The following DPP6 variants were observed in gnomAD, a reference collection of about 807,000 sequenced individuals.
DPP6 encodes A-type potassium channel modulatory protein DPP6.
DPP6 carries 69 observed loss-of-function variants against 122.6 expected under a neutral mutation model. That is an observed-to-expected ratio of 0.56 (90% CI 0.46 to 0.69). DPP6 has a LOEUF of 0.69. Among genes scored for constraint, DPP6 ranks in the 30% least tolerant of loss-of-function variants. The pLI is 0.00. For missense variants in DPP6, 928 were observed against 1,116.9 expected, an observed-to-expected ratio of 0.83 and a Z score of 2.41; for synonymous variants, 418 against 433.1, an observed-to-expected ratio of 0.97 and a Z score of 0.43.
chr7:154,676,519 C>A (rs530357851), intron 7 of DPP6, among the ~76,000 whole-genome samples: 34 of 152,246 alleles, frequency 2.2e-4, no homozygotes, highest in African/African-American at 7.9e-4. Context: ...CTGCCCTTCC[C>A]CATGTGACCT....
intron 1 of DPP6, among the ~76,000 whole-genome samples, chr7:154,292,031 G>A (rs1805244316): frequency 6.6e-6 from 1 of 152,086 alleles, no homozygotes; most frequent in African/African-American, 2.4e-5. Context: ...AAGGAAGAAG[G>A]TAGCCCTGAA....
chr7:153,873,197 G>A, the DPP6 span, among the ~76,000 whole-genome samples: 1 of 152,104 alleles, frequency 6.6e-6, no homozygotes. Flanking sequence ...TGGGAATCAT[G>A]TGTGAGAACT....
chr7:154,340,968 T>TTTGTAG (rs1809874368), intron 1 of DPP6, among the ~76,000 whole-genome samples: 1 of 152,208 alleles, frequency 6.6e-6, no homozygotes, highest in Admixed American at 6.5e-5. Flanking sequence ...TCTTATAGTA[T>TTTGTAG]TTGTAGTTTT....
chr7:153,796,632 A>G, the DPP6 span, among the ~76,000 whole-genome samples: 2 of 152,326 alleles, frequency 1.3e-5, no homozygotes, highest in East Asian at 3.9e-4. Flanking sequence ...CTAAAAATAT[A>G]ACACGTGGCA....
chr7:154,422,171 T>C (rs1047080340), intron 1 of DPP6, among the ~76,000 whole-genome samples: 4 of 152,302 alleles, frequency 2.6e-5, no homozygotes, highest in Admixed American at 1.3e-4. Context: ...TCCTGACTTT[T>C]TGATCTCTTG....
intron 5 of DPP6, among the ~76,000 whole-genome samples, chr7:154,586,291 C>G (rs1195289907): frequency 6.6e-6 from 1 of 152,116 alleles, no homozygotes; most frequent in African/African-American, 2.4e-5. Flanking sequence ...AAAAATTGTT[C>G]TGTTGAACTT....
chr7:153,960,851 C>T (rs1795319589), intron 1 of DPP6, among the ~76,000 whole-genome samples: 1 of 151,234 alleles, frequency 6.6e-6, no homozygotes, highest in Admixed American at 6.6e-5. Flanking sequence ...ACATGAGTAC[C>T]TTTTCCTTTG....
chr7:154,487,596 T>C (rs1365854356), intron 3 of DPP6, among the ~76,000 whole-genome samples: 3 of 152,198 alleles, frequency 2.0e-5, no homozygotes, highest in African/African-American at 7.2e-5. Flanking sequence ...CCCAATGCAC[T>C]GTAGCTGTTT....
At chr7:154,707,731 G>A (rs12669060) in intron 7 of DPP6, among the ~76,000 whole-genome samples, 19,224 of 152,102 alleles carry the variant, frequency 0.13, 1,453 homozygotes, top group East Asian at 0.28. Context: ...AATTTATAAA[G>A]GAAAAAAGGT....
chr7:154,195,955 C>T (rs936506759), intron 1 of DPP6, among the ~76,000 whole-genome samples: 15 of 152,162 alleles, frequency 9.9e-5, no homozygotes, highest in Non-Finnish European at 1.5e-5. Context: ...GTTTGGCAAA[C>T]ACCTTCTCCC....
chr7:154,889,513 G>A lies in DPP6; in HGVS notation c.2434G>A (p.Ala812Thr). Residue 812 changes from alanine (A) to threonine (T), a missense_variant, in exon 25 of 26, where the codon GCT becomes ACT. Physicochemically the swap from Ala to Thr is moderately conservative, Grantham distance 58. Coordinates refer to ENST00000377770, the MANE Select transcript of DPP6 (RefSeq NM_130797.4). ...CATTACACAACTAATTAGGGGAAAGGCTAATTACAGCTTACAGGTACAGTA... is the reference window on the plus strand; with the variant it reads ...CATTACACAACTAATTAGGGGAAAGACTAATTACAGCTTACAGGTACAGTA... ...ELITQLIRGK[A>T]NYSLQIYPDE... 11 of 1,609,024 alleles carry A rather than the reference G, an allele frequency of 6.8e-6. No individual in the cohort carries two copies. Among genetic ancestry groups the A allele is most frequent in the Non-Finnish European group, 9.3e-6 (11 of 1,178,132 alleles).
chr7:154,454,995 AC>A (rs1820702092), intron 2 of DPP6, among the ~76,000 whole-genome samples: 1 of 152,094 alleles, frequency 6.6e-6, no homozygotes. Context: ...GTTTCACAAG[AC>A]AAGTTTAGAC....
chr7:154,322,635 C>T (rs1386190744), intron 1 of DPP6, among the ~76,000 whole-genome samples: 2 of 152,038 alleles, frequency 1.3e-5, no homozygotes, highest in African/African-American at 4.8e-5. Context: ...ATTCCTGAAA[C>T]CATAGCAGCA....
chr7:154,382,720 T>G (rs563983178), intron 1 of DPP6, among the ~76,000 whole-genome samples: 1 of 152,324 alleles, frequency 6.6e-6, no homozygotes, highest in African/African-American at 2.4e-5. Context: ...GGTATATATT[T>G]TAGTATTCCT....
chr7:153,940,614 G>C (rs1462845995), intron 1 of DPP6, among the ~76,000 whole-genome samples: 1 of 152,136 alleles, frequency 6.6e-6, no homozygotes, highest in African/African-American at 2.4e-5. Flanking sequence ...TGCAGTGACT[G>C]CACCATGGGA....
chr7:154,596,922 A>T (rs1833127915), intron 5 of DPP6, among the ~76,000 whole-genome samples: 1 of 152,230 alleles, frequency 6.6e-6, no homozygotes, highest in East Asian at 1.9e-4. Flanking sequence ...GTAGAAAAGT[A>T]TAAAGTATTC....
chr7:153,778,760 T>C, the DPP6 span, among the ~76,000 whole-genome samples: 2,339 of 151,274 alleles, frequency 0.015, no homozygotes, highest in African/African-American at 0.055. Context: ...AGCAGCTACT[T>C]TGGAAAACAG....
exon 1 of DPP6, chr7:153,887,442 T>TTTTC (rs967769255): frequency 1.7e-5 from 8 of 459,186 alleles, no homozygotes; most frequent in African/African-American, 1.2e-4. Flanking sequence ...TCCAGGCTTT[T>TTTTC]TTTCTTTCTT....
At chr7:153,975,608 A>G (rs1364168156) in intron 1 of DPP6, among the ~76,000 whole-genome samples, 5 of 152,228 alleles carry the variant, frequency 3.3e-5, no homozygotes, top group Non-Finnish European at 7.4e-5. Context: ...TTGGTAGAGT[A>G]AGTCATACCT....
Sources: allele counts gnomAD v4.1 joint callset (sites outside exome capture counted in the v4.1 genomes callset), GRCh38; gene constraint gnomAD v4.1.1; transcripts MANE v1.5; gene names NCBI Gene and HGNC (gene_info 2026-07-23, HGNC 2026-07-21).